The following PRKG1 variants were observed in gnomAD, a reference collection of about 807,000 sequenced individuals.
The protein encoded by PRKG1 is cGMP-dependent protein kinase 1.
In PRKG1, 35 loss-of-function variants were observed where a neutral mutation model predicts 88.1. That is an observed-to-expected ratio of 0.40 (90% CI 0.30 to 0.53). The LOEUF is 0.53. Among genes scored for constraint, PRKG1 ranks in the 20% least tolerant of loss-of-function variants. The probability of loss-of-function intolerance (pLI) is 0.59; values close to 1 mark genes in which losing one functional copy is unlikely to be tolerated. For missense variants in PRKG1, 540 were observed against 839.8 expected, an observed-to-expected ratio of 0.64 and a Z score of 4.41; for synonymous variants, 303 against 292.5, an observed-to-expected ratio of 1.04 and a Z score of -0.37.
At chr10:52,189,773 C>T (rs1212061411) in intron 9 of PRKG1, among the ~76,000 whole-genome samples, 1 of 152,118 alleles carries the variant, frequency 6.6e-6, no homozygotes, top group Non-Finnish European at 1.5e-5. Context: ...TTTGAACCTA[C>T]TACATTTTAA....
At chr10:51,329,595 T>G (rs1192076361) in intron 2 of PRKG1, among the ~76,000 whole-genome samples, 1 of 152,250 alleles carries the variant, frequency 6.6e-6, no homozygotes, top group African/African-American at 2.4e-5. Context: ...TGTCTAGCAC[T>G]TTTTGTAATG....
At chr10:51,874,822 T>C (rs1430247235) in intron 4 of PRKG1, among the ~76,000 whole-genome samples, 4 of 152,176 alleles carry the variant, frequency 2.6e-5, no homozygotes, top group African/African-American at 9.6e-5. Context: ...TGAGCTTTAA[T>C]TTTCCCACTG....
chr10:51,713,753 T>C (rs1041066587), intron 3 of PRKG1, among the ~76,000 whole-genome samples: 11 of 152,320 alleles, frequency 7.2e-5, no homozygotes, highest in Admixed American at 2.6e-4. Context: ...TAAAACATGA[T>C]GCACACCTCA....
At chr10:51,186,262 T>A (rs755864341) in intron 2 of PRKG1, among the ~76,000 whole-genome samples, 19 of 152,000 alleles carry the variant, frequency 1.3e-4, no homozygotes, top group Middle Eastern at 3.4e-3. Flanking sequence ...ATTCTTTTTT[T>A]AATTTTATTT....
intron 3 of PRKG1, among the ~76,000 whole-genome samples, chr10:51,605,092 G>A (rs1195001816): frequency 6.6e-6 from 1 of 152,164 alleles, no homozygotes; most frequent in Non-Finnish European, 1.5e-5. Flanking sequence ...GGCCGCCCAA[G>A]GCTATACTCC....
At chr10:51,349,350 G>A (rs1471125099) in intron 2 of PRKG1, among the ~76,000 whole-genome samples, 1 of 151,910 alleles carries the variant, frequency 6.6e-6, no homozygotes, top group Non-Finnish European at 1.5e-5. Flanking sequence ...AAAAGCATAG[G>A]ATATTTTCTT....
At chr10:51,523,239 G>T (rs1009491451) in intron 3 of PRKG1, among the ~76,000 whole-genome samples, 3 of 152,144 alleles carry the variant, frequency 2.0e-5, no homozygotes, top group African/African-American at 7.2e-5. Flanking sequence ...CCCTGTGCTT[G>T]CTTGGGGAGC....
chr10:51,821,435 A>G (rs1041609495), intron 4 of PRKG1, among the ~76,000 whole-genome samples: 9 of 152,136 alleles, frequency 5.9e-5, no homozygotes, highest in African/African-American at 2.2e-4. Flanking sequence ...ATAATTTTGC[A>G]CAGTGGTTGA....
intron 5 of PRKG1, among the ~76,000 whole-genome samples, chr10:52,005,495 A>G (rs564349602): frequency 6.8e-4 from 104 of 152,282 alleles, no homozygotes; most frequent in Non-Finnish European, 1.2e-3. Flanking sequence ...ACTGGTAGTT[A>G]GGCAGGCATT....
At chr10:51,259,790 A>C (rs1839657515) in intron 2 of PRKG1, among the ~76,000 whole-genome samples, 1 of 151,866 alleles carries the variant, frequency 6.6e-6, no homozygotes, top group Non-Finnish European at 1.5e-5. Flanking sequence ...TCCCTTTTTT[A>C]TATGTGTGGG....
chr10:51,409,208 C>T (rs1184168617), intron 2 of PRKG1, among the ~76,000 whole-genome samples: 2 of 152,136 alleles, frequency 1.3e-5, no homozygotes, highest in African/African-American at 2.4e-5. Flanking sequence ...CGTGAAGAAC[C>T]ATCTGTTTTC....
At chr10:52,190,499 G>A (rs932873092) in intron 9 of PRKG1, among the ~76,000 whole-genome samples, 2 of 152,060 alleles carry the variant, frequency 1.3e-5, no homozygotes, top group South Asian at 2.1e-4. Context: ...CCCTTAGTAC[G>A]TGTCAAGCAT....
intron 2 of PRKG1, among the ~76,000 whole-genome samples, chr10:51,389,406 C>T (rs980919757): frequency 6.6e-6 from 1 of 152,084 alleles, no homozygotes; most frequent in Non-Finnish European, 1.5e-5. Flanking sequence ...ATTCAAACAC[C>T]GATCATTCTT....
At chr10:52,060,588 TTAA>T (rs1318719598) in intron 6 of PRKG1, among the ~76,000 whole-genome samples, 4 of 151,796 alleles carry the variant, frequency 2.6e-5, no homozygotes, top group African/African-American at 9.7e-5. Flanking sequence ...CCCACATCTA[TTAA>T]TAATAAGGGA....
At chr10:51,124,988 T>C (rs1845360766) in intron 1 of PRKG1, among the ~76,000 whole-genome samples, 1 of 152,244 alleles carries the variant, frequency 6.6e-6, no homozygotes, top group Non-Finnish European at 1.5e-5. Context: ...ATATCAACCC[T>C]GAGTCAACTT....
At chr10:51,889,191 T>C (rs747939633) in intron 4 of PRKG1, among the ~76,000 whole-genome samples, 9 of 149,076 alleles carry the variant, frequency 6.0e-5, no homozygotes, top group Non-Finnish European at 1.0e-4. Context: ...GTATATCTCC[T>C]AATTCTATCC....
intron 8 of PRKG1, among the ~76,000 whole-genome samples, chr10:52,137,674 T>C (rs1040190833): frequency 6.6e-6 from 1 of 152,128 alleles, no homozygotes; most frequent in African/African-American, 2.4e-5. Context: ...AAATGCTATG[T>C]AAAAACTTGT....
intron 2 of PRKG1, among the ~76,000 whole-genome samples, chr10:51,325,495 G>A (rs185865084): frequency 2.8e-4 from 43 of 152,246 alleles, no homozygotes; most frequent in African/African-American, 1.0e-3. Flanking sequence ...CACCGTGCCT[G>A]GCTCTTCAAG....
At chr10:51,834,457 A>G (rs1165154688) in intron 4 of PRKG1, among the ~76,000 whole-genome samples, 1 of 152,012 alleles carries the variant, frequency 6.6e-6, no homozygotes, top group Non-Finnish European at 1.5e-5. Context: ...CCTGGGCAAC[A>G]CGGAGAAACC....
Sources: allele counts gnomAD v4.1 joint callset (sites outside exome capture counted in the v4.1 genomes callset), GRCh38; gene constraint gnomAD v4.1.1; transcripts MANE v1.5; gene names NCBI Gene and HGNC (gene_info 2026-07-23, HGNC 2026-07-21).